The following EFL1 variants were observed in gnomAD, a reference collection of about 807,000 sequenced individuals.
EFL1 encodes elongation factor like GTPase 1, also known as elongation factor-like GTPase 1.
In EFL1, 76 loss-of-function variants were observed where a neutral mutation model predicts 126.7. The observed-to-expected ratio is 0.60, with a 90% CI of 0.50 to 0.73. The LOEUF is 0.73. Ranked by LOEUF, EFL1 falls within the 30% of genes least tolerant of loss-of-function variation. The pLI, the probability that EFL1 is intolerant of heterozygous loss-of-function variation, is 0.00. For synonymous variants in EFL1, 410 were observed against 448.4 expected (o/e 0.91, Z 1.08); for missense variants, 1,128 against 1,343.2 (o/e 0.84, Z 2.50).
intron 15 of EFL1, among the ~76,000 whole-genome samples, chr15:82,184,555 C>G (rs1008553523): frequency 1.3e-5 from 2 of 152,328 alleles, no homozygotes; most frequent in African/African-American, 4.8e-5. Flanking sequence ...AAGCAGCACC[C>G]ACCTGTACCT....
intron 3 of EFL1, among the ~76,000 whole-genome samples, chr15:82,254,808 T>C (rs1447158929): frequency 6.6e-6 from 1 of 152,210 alleles, no homozygotes; most frequent in Non-Finnish European, 1.5e-5. Context: ...GGGAAAATCA[T>C]TCTGGAGAAA....
chr15:82,151,956 G>A lies in EFL1; in HGVS notation c.2498C>T (p.Pro833Leu). ...TTCACTTTTATTGACTAGTATGTTGGGCCCACATTTTCTTGGGCCAAATGA... is the reference window on the plus strand; with the variant it reads ...TTCACTTTTATTGACTAGTATGTTGAGCCCACATTTTCTTGGGCCAAATGA... Reference protein sequence around the residue: ...IWSFGPRKCGPNILVNKSEDF... With the variant: ...IWSFGPRKCGLNILVNKSEDF... The change falls in exon 18 of 20, where the codon CCC (proline) becomes CTC (leucine). Residue 833 changes from proline to leucine, a missense_variant. Pro to Leu is a moderately conservative substitution (Grantham distance 98). This residue lies in a region of EFL1 where 561 missense variants were observed against 641.7 expected (regional missense o/e 0.87). Transcript: ENST00000268206. 1 of 1,613,926 alleles carries A rather than the reference G, an allele frequency of 6.2e-7. No homozygotes were observed. The highest frequency in any genetic ancestry group is 8.5e-7 in the Non-Finnish European group (1 of 1,179,984).
In EFL1 at chr15:82,238,318, C is replaced by T; in HGVS notation, c.720G>A (p.Gly240=). ...GNVVFTSAID[G]WGFGIEHFAR... is the part of the protein sequence containing the mutation. ...GCAAACAGACTTACCCAAAGCCCCA[C>T]CCATCTATTGCACTGGTAAACACCA... The change falls in exon 7 of 20, where the codon GGG becomes GGA. Residue 240 remains glycine, a synonymous_variant. Transcript: ENST00000268206. 2 of 1,614,084 alleles carry T rather than the reference C, an allele frequency of 1.2e-6. No homozygotes were observed. Among genetic ancestry groups the T allele is most frequent in the Admixed American group, 1.7e-5 (1 of 60,028 alleles).
chr15:82,213,147 A>G (rs998411122), intron 15 of EFL1, among the ~76,000 whole-genome samples: 1 of 152,228 alleles, frequency 6.6e-6, no homozygotes, highest in Non-Finnish European at 1.5e-5. Context: ...CTTATAGGAA[A>G]TAAATCTGGC....
intron 19 of EFL1, among the ~76,000 whole-genome samples, chr15:82,137,915 A>G (rs758921496): frequency 2.0e-4 from 30 of 152,120 alleles, no homozygotes; most frequent in Admixed American, 1.3e-4. Flanking sequence ...TCCTTTACAG[A>G]TATGTTCAGG....
intron 15 of EFL1, among the ~76,000 whole-genome samples, chr15:82,167,536 A>T (rs1308458040): frequency 1.3e-5 from 2 of 152,158 alleles, no homozygotes; most frequent in Non-Finnish European, 2.9e-5. Flanking sequence ...TATGAGACTG[A>T]AAAAAATTGT....
chr15:82,252,735 C>T lies in EFL1; in HGVS notation c.200G>A (p.Gly67Glu), dbSNP rs2075033783. 6.2e-7 allele frequency: 1 copy of T among 1,613,088 alleles called. No individual in the cohort carries two copies. The highest frequency in any genetic ancestry group is 8.5e-7 in the Non-Finnish European group (1 of 1,179,152). ...AATGGCACTGGATTTCATAGTGATC[C>T]CTCGGATCTGTTCATCTTCTCTGCT... The part of the protein sequence containing the change: ...MDSREDEQIR[G>E]ITMKSSAISL... Residue 67 changes from glycine (G) to glutamate (E), a missense_variant, in exon 4 of 20, where the codon GGG becomes GAG. By Grantham distance (98) the Gly-to-Glu change is moderately conservative. Transcript: ENST00000268206.
intron 15 of EFL1, among the ~76,000 whole-genome samples, chr15:82,192,004 T>C (rs1246905607): frequency 6.6e-6 from 1 of 152,078 alleles, no homozygotes; most frequent in Non-Finnish European, 1.5e-5. Flanking sequence ...CTATCAAATA[T>C]AGCCAAGAAT....
intron 19 of EFL1, among the ~76,000 whole-genome samples, chr15:82,135,966 GCCT>G (rs1388278504): frequency 6.6e-6 from 1 of 152,080 alleles, no homozygotes; most frequent in Admixed American, 6.6e-5. Context: ...GCCCTAGTCT[GCCT>G]CCTTAGACTC....
At chr15:82,205,900 T>C (rs1465462358) in intron 15 of EFL1, among the ~76,000 whole-genome samples, 8 of 152,208 alleles carry the variant, frequency 5.3e-5, no homozygotes, top group Non-Finnish European at 1.5e-5. Context: ...CTTCAGACAG[T>C]GAAAATGAGA....
At chr15:82,131,950 A>T (rs1246446321) in intron 19 of EFL1, among the ~76,000 whole-genome samples, 1 of 152,248 alleles carries the variant, frequency 6.6e-6, no homozygotes, top group Non-Finnish European at 1.5e-5. Flanking sequence ...AGAGCCATCA[A>T]GTATGTATAG....
chr15:82,179,507 A>AC (rs1178501557), intron 15 of EFL1, among the ~76,000 whole-genome samples: 1 of 152,140 alleles, frequency 6.6e-6, no homozygotes, highest in Non-Finnish European at 1.5e-5. Flanking sequence ...CTCATCCCAG[A>AC]CAATCCCTGG....
intron 15 of EFL1, among the ~76,000 whole-genome samples, chr15:82,177,492 T>C (rs2074206611): frequency 6.6e-6 from 1 of 152,146 alleles, no homozygotes; most frequent in Non-Finnish European, 1.5e-5. Flanking sequence ...ACCAAATCAC[T>C]TCCTTATTCA....
chr15:82,185,206 TGTGTGTGTGC>T (rs537904837), intron 15 of EFL1, among the ~76,000 whole-genome samples: 1,625 of 148,382 alleles, frequency 0.011, 25 homozygotes, highest in African/African-American at 0.04. Flanking sequence ...TGTGTGTGTG[TGTGTGTGTGC>T]GTTCCTCAAT....
At chr15:82,232,905 A>AT (rs1027104717) in intron 7 of EFL1, among the ~76,000 whole-genome samples, 2 of 151,234 alleles carry the variant, frequency 1.3e-5, no homozygotes, top group South Asian at 2.1e-4. Flanking sequence ...TTCTTCCAGG[A>AT]TTTTTTTTTA....
Position 82,163,873 on chromosome 15 carries a change from G to C in EFL1, c.1862C>G (p.Ala621Gly). 1 of 1,614,028 alleles carries C rather than the reference G, an allele frequency of 6.2e-7. No homozygotes were observed. The highest frequency in any genetic ancestry group is 8.5e-7 in the Non-Finnish European group (1 of 1,179,972). Reference protein sequence around the residue: ...NFEATPIVRVAVEPKHPSEMP... With the variant: ...NFEATPIVRVGVEPKHPSEMP... ...CTTACTTGGATGTTTTGGTTCAACA[G>C]CAACTCTCACAATAGGAGTGGCTTC... The change falls in exon 16 of 20, where the codon GCT becomes GGT. Residue 621 changes from alanine (A) to glycine (G), a missense_variant. By Grantham distance (60) the Ala-to-Gly change is moderately conservative. Transcript: ENST00000268206.
At chr15:82,250,088 A>G (rs1339693145) in intron 4 of EFL1, among the ~76,000 whole-genome samples, 2 of 151,164 alleles carry the variant, frequency 1.3e-5, no homozygotes, top group Admixed American at 6.6e-5. Flanking sequence ...AGTTTCTTCA[A>G]TCATCAGGTT....
intron 15 of EFL1, among the ~76,000 whole-genome samples, chr15:82,204,150 C>G (rs753483384): frequency 2.6e-5 from 4 of 152,078 alleles, no homozygotes; most frequent in Admixed American, 6.5e-5. Context: ...TTGATTACTT[C>G]ACATCTAATG....
At chr15:82,230,505 AAG>A (rs1020464607) in intron 8 of EFL1, among the ~76,000 whole-genome samples, 9 of 152,158 alleles carry the variant, frequency 5.9e-5, no homozygotes, top group African/African-American at 1.9e-4. Context: ...GGATGTCTAG[AAG>A]AGACATCTCT....
Sources: allele counts gnomAD v4.1 joint callset (sites outside exome capture counted in the v4.1 genomes callset), GRCh38; gene constraint gnomAD v4.1.1; regional missense constraint gnomAD v4.1.1; transcripts MANE v1.5; gene names NCBI Gene and HGNC (gene_info 2026-07-23, HGNC 2026-07-21).